Variants in BABAM2 observed in about 807,000 individuals in gnomAD.
BABAM2 encodes BRISC and BRCA1 A complex member 2, also known as BRISC and BRCA1-A complex member 2.
Under a neutral mutation model 54.7 loss-of-function variants are expected in BABAM2, and 31 were observed. The observed-to-expected ratio is 0.57, with a 90% CI of 0.43 to 0.77. The LOEUF is 0.77. Among genes scored for constraint, BABAM2 ranks in the 30% least tolerant of loss-of-function variants. The pLI is 0.00. For synonymous variants in BABAM2, 167 were observed against 162.9 expected (o/e 1.03, Z -0.19); for missense variants, 364 against 455.8 (o/e 0.80, Z 1.83).
chr2:28,102,784 G>C (rs1250444391), intron 6 of BABAM2, among the ~76,000 whole-genome samples: 1 of 152,186 alleles, frequency 6.6e-6, no homozygotes, highest in Admixed American at 6.5e-5. Flanking sequence ...TCCAGGAATA[G>C]ACTCAGTCAG....
At chr2:28,032,801 T>A (rs1461631137) in intron 5 of BABAM2, among the ~76,000 whole-genome samples, 1 of 152,198 alleles carries the variant, frequency 6.6e-6, no homozygotes, top group South Asian at 2.1e-4. Context: ...TGTATTTATT[T>A]TATATTTTGT....
intron 4 of BABAM2, among the ~76,000 whole-genome samples, chr2:27,997,818 A>G (rs1320380174): frequency 6.6e-6 from 1 of 152,164 alleles, no homozygotes; most frequent in Admixed American, 6.5e-5. Context: ...CTATTGGGAA[A>G]ATGAGGTACG....
chr2:28,276,456 C>A (rs983638367), intron 10 of BABAM2, among the ~76,000 whole-genome samples: 1 of 152,124 alleles, frequency 6.6e-6, no homozygotes, highest in Non-Finnish European at 1.5e-5. Context: ...GCCTTTGTAA[C>A]GCGCAGCCGT....
At chr2:28,187,883 G>T (rs1676490028) in intron 7 of BABAM2, among the ~76,000 whole-genome samples, 2 of 151,956 alleles carry the variant, frequency 1.3e-5, no homozygotes, top group Admixed American at 6.6e-5. Context: ...GGTCAGACTG[G>T]TCTGGAACTC....
intron 10 of BABAM2, among the ~76,000 whole-genome samples, chr2:28,249,212 C>T (rs1683199557): frequency 6.6e-6 from 1 of 151,876 alleles, no homozygotes. Flanking sequence ...CCTCAGCCTC[C>T]CGAGTAGCTG....
At chr2:28,287,609 A>G (rs1686933031) in intron 10 of BABAM2, among the ~76,000 whole-genome samples, 2 of 152,212 alleles carry the variant, frequency 1.3e-5, no homozygotes, top group South Asian at 4.1e-4. Context: ...TTATATGGAC[A>G]TGGAGGCTGG....
intron 11 of BABAM2, among the ~76,000 whole-genome samples, chr2:28,326,847 G>A (rs1690502360): frequency 6.6e-6 from 1 of 152,194 alleles, no homozygotes; most frequent in African/African-American, 2.4e-5. Flanking sequence ...AGTGTCACAG[G>A]AACCATCCTA....
intron 10 of BABAM2, among the ~76,000 whole-genome samples, chr2:28,267,937 G>A (rs1300965419): frequency 1.3e-5 from 2 of 152,200 alleles, no homozygotes; most frequent in African/African-American, 4.8e-5. Context: ...AATGTTCACT[G>A]ACAGAGGAAT....
chr2:27,976,374 A>G (rs951577181), intron 3 of BABAM2, among the ~76,000 whole-genome samples: 1 of 152,142 alleles, frequency 6.6e-6, no homozygotes, highest in Non-Finnish European at 1.5e-5. Context: ...CTAGTAGGCT[A>G]TAAAAAAGGA....
In BABAM2 at chr2:28,298,274, A is replaced by C. The variant is rs931562253; in HGVS notation, c.935-64A>C. 5 of 799,934 alleles carry C rather than the reference A, an allele frequency of 6.3e-6. No individual in the cohort carries two copies. The African/African-American group carries it at 7.3e-5, about 12-fold the overall frequency. The allele number at this position is 799,934 out of a possible 1,614,324, so 49.6% of individuals were successfully genotyped here. On this transcript the variant is annotated intron_variant, in intron 10 of 11. Coordinates refer to ENST00000379624, the MANE Select transcript of BABAM2 (RefSeq NM_199191.3). ...TCGTACCTAACATTCGGATTTAGTC[A>C]AAAAAAAAAATCTTAAGATGTGTTT...
intron 11 of BABAM2, among the ~76,000 whole-genome samples, chr2:28,302,191 C>T (rs72786732): frequency 0.083 from 12,624 of 152,074 alleles, 655 homozygotes; most frequent in Middle Eastern, 0.14. Context: ...CTGAAGCGGG[C>T]GGATCACCTG....
chr2:27,983,495 G>A (rs1672165651), intron 3 of BABAM2, among the ~76,000 whole-genome samples: 1 of 152,122 alleles, frequency 6.6e-6, no homozygotes, highest in South Asian at 2.1e-4. Flanking sequence ...TCTGCAAAGA[G>A]TCCAGCTAGG....
At chr2:28,233,977 C>CA (rs1468310197) in intron 7 of BABAM2, among the ~76,000 whole-genome samples, 1 of 7,406 alleles carries the variant, frequency 1.4e-4, no homozygotes, top group Non-Finnish European at 0.014. Flanking sequence ...AGCCCCTCAT[C>CA]ATTTGGGATG....
intron 6 of BABAM2, among the ~76,000 whole-genome samples, chr2:28,053,391 A>G (rs1282889390): frequency 6.6e-6 from 1 of 152,188 alleles, no homozygotes; most frequent in African/African-American, 2.4e-5. Flanking sequence ...CAGAACCGTC[A>G]TCTTCTTATC....
At chr2:28,235,003 A>G (rs550745885) in intron 7 of BABAM2, among the ~76,000 whole-genome samples, 1 of 152,356 alleles carries the variant, frequency 6.6e-6, no homozygotes, top group South Asian at 2.1e-4. Flanking sequence ...CATTAATGTC[A>G]TACTTAGTCA....
chr2:28,319,328 G>A (rs938995719), intron 11 of BABAM2, among the ~76,000 whole-genome samples: 1 of 152,250 alleles, frequency 6.6e-6, no homozygotes, highest in African/African-American at 2.4e-5. Flanking sequence ...TAAAGTAGAA[G>A]CTGTCCCTTT....
chr2:28,014,554 C>T (rs1674654936), intron 4 of BABAM2, among the ~76,000 whole-genome samples: 2 of 151,292 alleles, frequency 1.3e-5, no homozygotes, highest in Admixed American at 6.6e-5. Flanking sequence ...TTATTGGTGT[C>T]TACTTAGCTA....
In BABAM2 at chr2:27,954,699, C is replaced by T. The variant is rs369912839; in HGVS notation, c.205+24791C>T. Among the ~76,000 whole-genome samples, 19 of 152,296 alleles carry T rather than the reference C, an allele frequency of 1.2e-4. No homozygotes were observed. The East Asian group carries it at 3.1e-3, about 25-fold the overall frequency. On this transcript the variant is annotated intron_variant, in intron 3 of 11. Transcript: ENST00000379624. ...TGTGGCATAAGCCGACCAAATATCA[C>T]GTTTCTCAATCAATTTCTTTTTGCC...
intron 3 of BABAM2, among the ~76,000 whole-genome samples, chr2:27,936,562 T>C (rs1177484215): frequency 6.6e-6 from 1 of 152,174 alleles, no homozygotes; most frequent in East Asian, 1.9e-4. Context: ...TGTCCAACAA[T>C]GATAGATTGG....
Sources: allele counts gnomAD v4.1 joint callset (sites outside exome capture counted in the v4.1 genomes callset), GRCh38; gene constraint gnomAD v4.1.1; transcripts MANE v1.5; gene names NCBI Gene and HGNC (gene_info 2026-07-23, HGNC 2026-07-21).